Variants in TBC1D4 observed in about 807,000 individuals in gnomAD.
The protein encoded by TBC1D4 is TBC (Tre-2, BUB2, CDC16) domain-containing protein.
TBC1D4 carries 121 observed loss-of-function variants against 142.5 expected under a neutral mutation model. The ratio of observed to expected loss-of-function variants is 0.85; its 90% confidence interval spans 0.73 to 0.99. TBC1D4 has a LOEUF of 0.99. Among genes scored for constraint, TBC1D4 ranks in the 50% least tolerant of loss-of-function variants. The pLI, the probability that TBC1D4 is intolerant of heterozygous loss-of-function variation, is 0.00. For missense variants in TBC1D4, 1,475 were observed against 1,606.6 expected, an observed-to-expected ratio of 0.92 and a Z score of 1.40; for synonymous variants, 630 against 628.2, an observed-to-expected ratio of 1.00 and a Z score of -0.04.
chr13:75,313,083 A>G (rs1436605977), intron 12 of TBC1D4, among the ~76,000 whole-genome samples, 185 bp from the exon 13 acceptor site: 2 of 152,132 alleles, frequency 1.3e-5, no homozygotes, highest in Admixed American at 6.5e-5. Context: ...GGAAACAGCA[A>G]TCTAGGCCAC....
In TBC1D4 at chr13:75,349,277, T is replaced by C. The variant is rs770377401; in HGVS notation, c.1301A>G (p.Lys434Arg). The C allele has an allele frequency of 1.2e-6, 2 of 1,613,974 alleles. No individual in the cohort carries two copies. The highest frequency in any genetic ancestry group is 1.3e-5 in the African/African-American group (1 of 75,024). The change falls in exon 5 of 21, where the codon AAA (lysine) becomes AGA (arginine). Residue 434 changes from lysine (K) to arginine (R), a missense_variant. Coordinates refer to ENST00000377636, the MANE Select transcript of TBC1D4 (RefSeq NM_014832.5). ...SLVDEVMLTLKQAFSTAAALQ... is the reference protein window; with the variant it reads ...SLVDEVMLTLRQAFSTAAALQ... Reference sequence around the variant, plus strand: ...GGCAGCCGCCGTACTGAAGGCCTGTTTCAGAGTCAGCATTACCTCATCAAC... The same window carrying C: ...GGCAGCCGCCGTACTGAAGGCCTGTCTCAGAGTCAGCATTACCTCATCAAC...
chr13:75,379,473 C>G (rs1883696959), intron 1 of TBC1D4, among the ~76,000 whole-genome samples: 1 of 152,100 alleles, frequency 6.6e-6, no homozygotes, highest in African/African-American at 2.4e-5. Context: ...CTAAATACCC[C>G]ATGTCTGTCA....
intron 11 of TBC1D4, among the ~76,000 whole-genome samples, chr13:75,322,176 A>C (rs1490841328): frequency 6.6e-6 from 1 of 152,220 alleles, no homozygotes; most frequent in Non-Finnish European, 1.5e-5. Flanking sequence ...TTTTTTAAGT[A>C]CACTTTTGGC....
At chr13:75,403,443 A>G (rs556850352) in intron 1 of TBC1D4, among the ~76,000 whole-genome samples, 2 of 152,228 alleles carry the variant, frequency 1.3e-5, no homozygotes, top group Non-Finnish European at 2.9e-5. Flanking sequence ...CTTGTATGTT[A>G]ACAGGTAGTT....
chr13:75,395,428 C>T (rs1485691034), intron 1 of TBC1D4, among the ~76,000 whole-genome samples: 3 of 152,186 alleles, frequency 2.0e-5, no homozygotes, highest in African/African-American at 4.8e-5. Context: ...GTTCTAATAC[C>T]ATAATCTGTA....
chr13:75,288,801 T>G, intron 20 of TBC1D4, 133 bp downstream of exon 20: 1 of 946,178 alleles, frequency 1.1e-6, no homozygotes, highest in Non-Finnish European at 1.7e-6. Flanking sequence ...CCCAGAGCAC[T>G]TGGACAGTCT....
chr13:75,409,056 C>CACAA (rs762009982), intron 1 of TBC1D4, among the ~76,000 whole-genome samples: 251 of 151,798 alleles, frequency 1.7e-3, no homozygotes, highest in Middle Eastern at 0.014. Flanking sequence ...CACACACACA[C>CACAA]ACTCACATAC....
chr13:75,299,823 CAAAAAAAAAAAA>C (rs56719877), intron 16 of TBC1D4, among the ~76,000 whole-genome samples: 2 of 105,972 alleles, frequency 1.9e-5, no homozygotes, highest in Non-Finnish European at 1.9e-5. Context: ...TTCTTTCCAG[CAAAAAAAAAAAA>C]AAAAAAAAAA....
chr13:75,324,388 C>G lies in TBC1D4; in HGVS notation c.2047G>C (p.Val683Leu), dbSNP rs774057082. The G allele has an allele frequency of 6.2e-7, 1 of 1,613,850 alleles. No homozygotes were observed. Among genetic ancestry groups the G allele is most frequent in the Non-Finnish European group, 8.5e-7 (1 of 1,179,890 alleles). ...SSEQCSNLSS[V>L]RRMYKESNSS... ...TTACTCTCCTTGTACATGCGTCGAA[C>G]TGACGAAAGATTGCTGAGTACAGAA... The change falls in exon 11 of 21, where the codon GTT becomes CTT. Residue 683 changes from valine (V) to leucine (L), a missense_variant. By Grantham distance (32) the Val-to-Leu change is conservative. Transcript: ENST00000377636.
chr13:75,423,243 A>G (rs1242283044), intron 1 of TBC1D4, among the ~76,000 whole-genome samples: 3 of 151,506 alleles, frequency 2.0e-5, no homozygotes, highest in Non-Finnish European at 4.4e-5. Context: ...CAAAATCTCT[A>G]TGTATGTAAG....
At chr13:75,295,256 C>T (rs1468353786) in intron 17 of TBC1D4, among the ~76,000 whole-genome samples, 1 of 152,120 alleles carries the variant, frequency 6.6e-6, no homozygotes, top group African/African-American at 2.4e-5. Context: ...TGTGTTTGAG[C>T]ATCACATACA....
intron 18 of TBC1D4, 43 bp downstream of exon 18, chr13:75,294,811 G>C (rs773786267): frequency 3.8e-6 from 6 of 1,598,388 alleles, no homozygotes; most frequent in Non-Finnish European, 4.3e-6. Flanking sequence ...TATAGTCCTT[G>C]GAATAAATAA....
At chr13:75,301,693 G>A (rs567415001) in intron 16 of TBC1D4, among the ~76,000 whole-genome samples, 66 of 150,976 alleles carry the variant, frequency 4.4e-4, no homozygotes, top group Non-Finnish European at 8.8e-4. Context: ...GAAATTCTCC[G>A]CCAGGTCATG....
intron 1 of TBC1D4, among the ~76,000 whole-genome samples, chr13:75,412,656 T>C (rs1331668920): frequency 6.6e-6 from 1 of 152,104 alleles, no homozygotes; most frequent in Non-Finnish European, 1.5e-5. Flanking sequence ...CCAAATAAAC[T>C]AAATTGATTC....
chr13:75,423,469 AAG>A lies in TBC1D4; in HGVS notation c.498+57799_498+57800del, dbSNP rs201869648. Among the ~76,000 whole-genome samples the A allele has an allele frequency of 8.7e-3, 1,326 of 152,228 alleles. 20 individuals carry two copies. Among genetic ancestry groups the A allele is most frequent in the African/African-American group, 0.03 (1,230 of 41,560 alleles). ...AGAAATTAAAATTTATTTTAAGAAA[AAG>A]AGAGAGAGAGTTTTCCCTTAAAACT... is the stretch of plus-strand genomic sequence containing the variant. On this transcript the variant is annotated intron_variant, in intron 1 of 20. Transcript: ENST00000377636.
At chr13:75,391,032 CCA>C (rs71127539) in intron 1 of TBC1D4, among the ~76,000 whole-genome samples, 17,079 of 136,444 alleles carry the variant, frequency 0.13, 1,438 homozygotes, top group African/African-American at 0.25. Flanking sequence ...TATTCCCCCA[CCA>C]CACACACACA....
intron 12 of TBC1D4, among the ~76,000 whole-genome samples, chr13:75,315,001 T>A (rs918192358): frequency 1.1e-4 from 16 of 148,734 alleles, no homozygotes; most frequent in African/African-American, 2.2e-4. Context: ...ATAATTAAAT[T>A]TTTTTTTTAG....
chr13:75,434,911 G>A (rs977926499), intron 1 of TBC1D4, among the ~76,000 whole-genome samples: 1 of 150,240 alleles, frequency 6.7e-6, no homozygotes, highest in Non-Finnish European at 1.5e-5. Flanking sequence ...ACTTTGGGAG[G>A]CCAAGGCAGG....
At chr13:75,402,133 C>T (rs1593846313) in intron 1 of TBC1D4, among the ~76,000 whole-genome samples, 1 of 152,158 alleles carries the variant, frequency 6.6e-6, no homozygotes, top group African/African-American at 2.4e-5. Flanking sequence ...GGCACAGATT[C>T]TAGTAGAATG....
Sources: gnomAD v4.1 joint callset for allele counts (sites outside exome capture counted in the v4.1 genomes callset) on GRCh38, gnomAD v4.1.1 for gene constraint, MANE v1.5 for transcripts, NCBI Gene and HGNC (gene_info 2026-07-23, HGNC 2026-07-21) for gene names.